Variants in CCDC102B observed in about 807,000 individuals in gnomAD.
The protein encoded by CCDC102B is coiled-coil domain-containing protein 102B.
Under a neutral mutation model 57.4 loss-of-function variants are expected in CCDC102B, and 75 were observed. The ratio of observed to expected loss-of-function variants is 1.31; its 90% CI spans 1.08 to 1.58. The LOEUF is 1.58. Among genes scored for constraint, CCDC102B ranks in the 40% most tolerant of loss-of-function variants. The pLI is 0.00. For missense variants in CCDC102B, 636 were observed against 582.6 expected (o/e 1.09, Z -0.94); for synonymous variants, 206 against 201.9 (o/e 1.02, Z -0.17).
intron 6 of CCDC102B, among the ~76,000 whole-genome samples, chr18:69,005,514 T>A (rs2051317233): frequency 1.3e-5 from 2 of 152,060 alleles, no homozygotes; most frequent in South Asian, 4.1e-4. Context: ...CGTTTTTCCT[T>A]CTATTAGATA....
At chr18:69,043,950 G>A (rs1289963254) in intron 7 of CCDC102B, among the ~76,000 whole-genome samples, 1 of 152,056 alleles carries the variant, frequency 6.6e-6, no homozygotes, top group African/African-American at 2.4e-5. Context: ...AACTGCCCCT[G>A]AAATTTTAGT....
chr18:68,852,255 T>A (rs2038163145), intron 4 of CCDC102B, among the ~76,000 whole-genome samples: 1 of 152,174 alleles, frequency 6.6e-6, no homozygotes, highest in Non-Finnish European at 1.5e-5. Context: ...TCATTTTTTT[T>A]CTTCTTTTAC....
chr18:68,908,820 G>T (rs1193038102), intron 6 of CCDC102B, among the ~76,000 whole-genome samples: 2 of 151,972 alleles, frequency 1.3e-5, no homozygotes, highest in Non-Finnish European at 2.9e-5. Flanking sequence ...ATATATATTG[G>T]TTACTTACAT....
chr18:68,794,817 C>A (rs908507075), upstream of CCDC102B, among the ~76,000 whole-genome samples: 20 of 151,986 alleles, frequency 1.3e-4, no homozygotes, highest in African/African-American at 4.8e-4. Context: ...GTTTTTTATT[C>A]TGAGAGGTCC....
chr18:68,855,335 G>A (rs897200298), intron 4 of CCDC102B, among the ~76,000 whole-genome samples: 5 of 152,110 alleles, frequency 3.3e-5, no homozygotes, highest in Non-Finnish European at 7.4e-5. Flanking sequence ...CTCTTGTTAT[G>A]TTTTGGATCA....
chr18:68,964,385 A>G (rs1331506139), intron 6 of CCDC102B, among the ~76,000 whole-genome samples: 1 of 146,632 alleles, frequency 6.8e-6, no homozygotes, highest in East Asian at 2.0e-4. Context: ...ATGAATAATA[A>G]CATCTAAAGT....
At chr18:68,787,040 G>A (rs2035239761) in intron 2 of CCDC102B, among the ~76,000 whole-genome samples, 1 of 150,662 alleles carries the variant, frequency 6.6e-6, no homozygotes. Flanking sequence ...AGCATGAAGG[G>A]TTGTTGAATT....
rs116963244 is a variant in CCDC102B, at chr18:68,977,449, C to T, written c.1264-33485C>T. ...TGCCCTGACAGGCCCCAGTGTGTGA[C>T]GTTCCCCTCTCTATGTCCTTGTGAT... On this transcript the variant is annotated intron_variant, in intron 6 of 7. Coordinates refer to ENST00000360242, the MANE Select transcript of CCDC102B (RefSeq NM_024781.3). Among the ~76,000 whole-genome samples the T allele has an allele frequency of 8.1e-3, 1,222 of 151,410 alleles. 7 individuals carry two copies. The highest frequency in any genetic ancestry group is 0.012 in the Non-Finnish European group (821 of 67,810).
intron 2 of CCDC102B, among the ~76,000 whole-genome samples, chr18:68,716,845 G>A (rs573464705): frequency 9.2e-5 from 14 of 152,208 alleles, no homozygotes; most frequent in Admixed American, 4.6e-4. Context: ...TTGGGAGGCC[G>A]AGGCAGGTGG....
chr18:68,813,511 A>G (rs8098699), intron 1 of CCDC102B, among the ~76,000 whole-genome samples: 26,432 of 151,602 alleles, frequency 0.17, 2,630 homozygotes, highest in East Asian at 0.35. Flanking sequence ...GAAAGAGGAG[A>G]GGAGAGGAGG....
chr18:68,876,277 AT>A (rs1260935237), intron 5 of CCDC102B, among the ~76,000 whole-genome samples: 1 of 152,178 alleles, frequency 6.6e-6, no homozygotes, highest in African/African-American at 2.4e-5. Context: ...GGATGTAGAA[AT>A]GGACTTGCCT....
In CCDC102B at chr18:68,838,794, C is replaced by T; in HGVS notation, c.695C>T (p.Ser232Phe). 1 of 1,613,952 alleles carries T rather than the reference C, an allele frequency of 6.2e-7. No homozygotes were observed. The highest frequency in any genetic ancestry group is 8.5e-7 in the Non-Finnish European group (1 of 1,179,956). ...GTTGATTTATTCAACAATGGTGGTT[C>T]TGGAAACGGTGAAACGAAAACTGGG... ...DGVDLFNNGGSGNGETKTGLR... is the reference protein window; with the variant it reads ...DGVDLFNNGGFGNGETKTGLR... Residue 232 changes from serine (S) to phenylalanine (F), a missense_variant, in exon 3 of 8, where the codon TCT (serine) becomes TTT (phenylalanine). Physicochemically the swap from Ser to Phe is radical, Grantham distance 155. Transcript: ENST00000360242.
At chr18:68,774,268 A>C (rs376995622) in intron 2 of CCDC102B, among the ~76,000 whole-genome samples, 2 of 151,588 alleles carry the variant, frequency 1.3e-5, no homozygotes, top group African/African-American at 2.4e-5. Context: ...GAGTATATAA[A>C]TGTATATGTA....
chr18:68,818,796 G>A (rs556301182), intron 1 of CCDC102B, among the ~76,000 whole-genome samples: 1 of 152,192 alleles, frequency 6.6e-6, no homozygotes, highest in Non-Finnish European at 1.5e-5. Flanking sequence ...TGAGCAATTA[G>A]GAATAATGTT....
chr18:68,895,783 T>C (rs945239305), intron 5 of CCDC102B, among the ~76,000 whole-genome samples: 27 of 151,850 alleles, frequency 1.8e-4, no homozygotes, highest in Admixed American at 9.2e-4. Flanking sequence ...ATAAATTTCT[T>C]GTCCAGAATT....
In CCDC102B at chr18:68,892,541, G is replaced by A. The variant is rs1209269575; in HGVS notation, c.1054-4678G>A. On this transcript the variant is annotated intron_variant, in intron 5 of 7. Coordinates refer to ENST00000360242, the MANE Select transcript of CCDC102B (RefSeq NM_024781.3). ...TCTAAGCCTCTTTATTGTGTTGACA[G>A]GTTTGCAGCTACCAGTGATTTTATT... 7.9e-5 allele frequency among the ~76,000 whole-genome samples: 12 copies of A among 152,272 alleles called. No homozygotes were observed. In the East Asian group the frequency reaches 2.3e-3, roughly 29 times the overall value.
intron 1 of CCDC102B, among the ~76,000 whole-genome samples, chr18:68,822,551 A>C (rs2036735245): frequency 6.6e-6 from 1 of 151,906 alleles, no homozygotes; most frequent in Non-Finnish European, 1.5e-5. Context: ...TAGATACATA[A>C]GGTACCTGTG....
At chr18:68,781,320 GAAGAAT>G (rs1325450211) in intron 2 of CCDC102B, among the ~76,000 whole-genome samples, 4 of 125,680 alleles carry the variant, frequency 3.2e-5, no homozygotes, top group African/African-American at 8.9e-5. Flanking sequence ...ATTAATAAGA[GAAGAAT>G]GAGTGGGTGG....
At chr18:68,827,209 G>T (rs1439852298) in intron 1 of CCDC102B, among the ~76,000 whole-genome samples, 1 of 151,960 alleles carries the variant, frequency 6.6e-6, no homozygotes, top group Non-Finnish European at 1.5e-5. Flanking sequence ...AATGATAAAA[G>T]AATCCTGTAG....
Sources: allele counts gnomAD v4.1 joint callset (sites outside exome capture counted in the v4.1 genomes callset), GRCh38; gene constraint gnomAD v4.1.1; transcripts MANE v1.5; gene names NCBI Gene and HGNC (gene_info 2026-07-23, HGNC 2026-07-21).